The following GSK3B variants were observed in gnomAD, a reference collection of about 807,000 sequenced individuals.
The protein encoded by GSK3B is glycogen synthase kinase 3 beta.
A neutral mutation model predicts 56.4 loss-of-function variants in GSK3B; 15 were observed. The ratio of observed to expected loss-of-function variants is 0.27; its 90% CI spans 0.18 to 0.41. The LOEUF (loss-of-function observed/expected upper bound fraction) is 0.41. Ranked by LOEUF, GSK3B falls within the 10% of genes least tolerant of loss-of-function variation. The pLI, the probability that GSK3B is intolerant of heterozygous loss-of-function variation, is 1.00. For synonymous variants in GSK3B, 181 were observed against 188.9 expected, an observed-to-expected ratio of 0.96 and a Z score of 0.34; for missense variants, 300 against 513.4, an observed-to-expected ratio of 0.58 and a Z score of 4.02.
chr3:120,080,692 G>C (rs112120669), intron 1 of GSK3B, among the ~76,000 whole-genome samples: 7 of 151,876 alleles, frequency 4.6e-5, no homozygotes, highest in African/African-American at 1.7e-4. Flanking sequence ...TTAGCCAGGC[G>C]TGGTGGTGGA....
chr3:119,946,761 A>T (rs1055675926), intron 3 of GSK3B, among the ~76,000 whole-genome samples: 1 of 152,172 alleles, frequency 6.6e-6, no homozygotes, highest in Admixed American at 6.5e-5. Context: ...AGACATAGGG[A>T]TCACTTAAAG....
chr3:120,074,303 A>G (rs1172778087), intron 1 of GSK3B, among the ~76,000 whole-genome samples: 2 of 151,678 alleles, frequency 1.3e-5, no homozygotes, highest in African/African-American at 4.8e-5. Flanking sequence ...CTGTCTCTAA[A>G]AAAAAAAAGA....
intron 1 of GSK3B, among the ~76,000 whole-genome samples, chr3:120,051,782 AG>A (rs1461352567): frequency 2.7e-5 from 4 of 150,170 alleles, no homozygotes; most frequent in African/African-American, 1.0e-4. Flanking sequence ...AAAAAAAAAA[AG>A]ATATGAGTAA....
chr3:119,933,170 A>G (rs1286431883), intron 3 of GSK3B, among the ~76,000 whole-genome samples: 2 of 152,286 alleles, frequency 1.3e-5, no homozygotes, highest in African/African-American at 4.8e-5. Context: ...AAAAATGCTC[A>G]GCCTCACTCA....
chr3:119,917,682 A>G (rs563571423), intron 4 of GSK3B, among the ~76,000 whole-genome samples: 5 of 150,222 alleles, frequency 3.3e-5, no homozygotes, highest in South Asian at 4.2e-4. Flanking sequence ...AAAAAAAAAA[A>G]GCTTAATCGT....
chr3:119,968,003 G>A (rs1345473462), intron 2 of GSK3B, among the ~76,000 whole-genome samples: 4 of 151,916 alleles, frequency 2.6e-5, no homozygotes, highest in Admixed American at 6.6e-5. Context: ...TTACAGGCAC[G>A]TGCCACCACA....
At chr3:119,923,911 G>T (rs568140769) in intron 3 of GSK3B, among the ~76,000 whole-genome samples, 1 of 152,274 alleles carries the variant, frequency 6.6e-6, no homozygotes, top group South Asian at 2.1e-4. Flanking sequence ...CTGCTAGTTG[G>T]TGTGTGCAAG....
rs749675537 is a variant in GSK3B at position 119,923,433 on chromosome 3, T to C, written c.417A>G (p.Val139=). ...GACTATAGTGTCTGGCAACTCTGTA[T>C]ACTGTTTCCGGAACATAGTCCAGCA... is the stretch of plus-strand genomic sequence containing the variant. ...NLVLDYVPET[V]YRVARHYSRA... is the part of the protein sequence containing the mutation. The change falls in exon 4 of 11, where the codon GTA becomes GTG. Residue 139 remains valine, a synonymous_variant. Coordinates refer to ENST00000264235, the MANE Select transcript of GSK3B (RefSeq NM_001146156.2). 2.2e-5 allele frequency: 35 copies of C among 1,605,820 alleles called. No individual in the cohort carries two copies. The highest frequency in any genetic ancestry group is 1.1e-4 in the East Asian group (5 of 44,702).
intron 1 of GSK3B, among the ~76,000 whole-genome samples, chr3:120,065,091 A>C (rs1227839415): frequency 6.6e-6 from 1 of 152,228 alleles, no homozygotes; most frequent in Admixed American, 6.5e-5. Context: ...TGATGCCAAA[A>C]GCATAAGCAA....
intron 2 of GSK3B, among the ~76,000 whole-genome samples, chr3:119,958,764 AATGAAAAGAGTGTTCACTTTTTTC>A (rs199672840): frequency 0.28 from 42,561 of 151,082 alleles, 7,228 homozygotes; most frequent in East Asian, 0.49. Context: ...AAAGATTTTT[AATGAAAAGAGTGTTCACTTTTTTC>A]ATGAAAAGAG....
chr3:119,886,839 G>A (rs1433477442), intron 7 of GSK3B, among the ~76,000 whole-genome samples: 3 of 152,072 alleles, frequency 2.0e-5, no homozygotes, highest in Middle Eastern at 3.4e-3. Flanking sequence ...ACATAAAGAC[G>A]GCAATAATAC....
intron 4 of GSK3B, among the ~76,000 whole-genome samples, chr3:119,921,848 A>T (rs1212083220): frequency 6.6e-6 from 1 of 152,190 alleles, no homozygotes; most frequent in Non-Finnish European, 1.5e-5. Context: ...TTTAAAAAAT[A>T]ATATCCTGGC....
chr3:119,905,670 C>T, intron 7 of GSK3B, 85 bp downstream of exon 7: 1 of 772,512 alleles, frequency 1.3e-6, no homozygotes, highest in Non-Finnish European at 2.2e-6. Flanking sequence ...TTTTAAGTTT[C>T]TCGTATGTGT....
chr3:119,992,777 T>C (rs2057577273), intron 2 of GSK3B, among the ~76,000 whole-genome samples: 1 of 151,866 alleles, frequency 6.6e-6, no homozygotes, highest in Non-Finnish European at 1.5e-5. Flanking sequence ...AAAAGGACAA[T>C]TCATACAGAC....
At chr3:120,049,665 A>T (rs934932319) in intron 1 of GSK3B, among the ~76,000 whole-genome samples, 1 of 152,246 alleles carries the variant, frequency 6.6e-6, no homozygotes, top group Non-Finnish European at 1.5e-5. Flanking sequence ...AGTAAATAAA[A>T]GATTCATATG....
At chr3:119,997,787 A>G (rs559962145) in intron 2 of GSK3B, among the ~76,000 whole-genome samples, 1 of 152,340 alleles carries the variant, frequency 6.6e-6, no homozygotes, top group Admixed American at 6.5e-5. Context: ...AGAAAATCCA[A>G]TGTATATATG....
chr3:119,917,909 A>T (rs1039704882), intron 4 of GSK3B, among the ~76,000 whole-genome samples: 1 of 152,148 alleles, frequency 6.6e-6, no homozygotes, highest in African/African-American at 2.4e-5. Flanking sequence ...ACAAGAACAG[A>T]AAAACAACTT....
At chr3:119,855,719 T>C (rs1445505653) in intron 9 of GSK3B, among the ~76,000 whole-genome samples, 1 of 151,856 alleles carries the variant, frequency 6.6e-6, no homozygotes, top group Non-Finnish European at 1.5e-5. Flanking sequence ...CTGAGCAAAC[T>C]ATCGCAAGGA....
intron 2 of GSK3B, among the ~76,000 whole-genome samples, chr3:119,955,160 C>T (rs1022029203): frequency 3.3e-5 from 5 of 150,994 alleles, no homozygotes; most frequent in African/African-American, 1.2e-4. Flanking sequence ...CATCATAAGA[C>T]TCAAAAAGCA....
Sources: gnomAD v4.1 joint callset for allele counts (sites outside exome capture counted in the v4.1 genomes callset) on GRCh38, gnomAD v4.1.1 for gene constraint, MANE v1.5 for transcripts, NCBI Gene and HGNC (gene_info 2026-07-23, HGNC 2026-07-21) for gene names.